Variants in CASP9 observed in about 807,000 individuals in gnomAD.
CASP9 encodes caspase 9.
In CASP9, 29 loss-of-function variants were observed where a neutral mutation model predicts 43.5. That is an observed-to-expected ratio of 0.67 (90% CI 0.50 to 0.91). The LOEUF (loss-of-function observed/expected upper bound fraction) is 0.91, where lower values mean the gene tolerates loss of function less well. CASP9 is among the 40% of genes least tolerant of loss of function. CASP9 has a pLI of 0.00. For synonymous variants in CASP9, 206 were observed against 211.9 expected (o/e 0.97, Z 0.24); for missense variants, 575 against 537.4 (o/e 1.07, Z -0.69).
rs61162934 is a variant in CASP9, at chr1:15,522,700, G to A, written c.132+1369C>T. 2.8e-3 allele frequency among the ~76,000 whole-genome samples: 420 copies of A among 152,332 alleles called. 2 individuals carry two copies. The highest frequency in any genetic ancestry group is 9.4e-3 in the African/African-American group (389 of 41,560). ...CCTGCACTCCAGGCTGGGCAAGAGT[G>A]AGACCCTGCCTCAAAATAAGTGTAA... On this transcript the variant is annotated intron_variant, in intron 1 of 8. Coordinates refer to ENST00000333868, the MANE Select transcript of CASP9 (RefSeq NM_001229.5).
chr1:15,510,263 G>C (rs1344460268), intron 2 of CASP9, among the ~76,000 whole-genome samples: 1 of 152,076 alleles, frequency 6.6e-6, no homozygotes, highest in East Asian at 1.9e-4. Flanking sequence ...GGAGAATACA[G>C]TGGCCACCTC....
In CASP9 at chr1:15,493,889, C is replaced by G. The variant is rs776755439; in HGVS notation, c.1158+3G>C. 1.3e-6 allele frequency: 2 copies of G among 1,587,450 alleles called. No homozygotes were observed. Among genetic ancestry groups the G allele is most frequent in the Non-Finnish European group, 1.7e-6 (2 of 1,165,770 alleles). On this transcript the variant is annotated splice_donor_region_variant and intron_variant, in intron 8 of 8. Coordinates refer to ENST00000333868, the MANE Select transcript of CASP9 (RefSeq NM_001229.5). ...CTCCTTTGCAGAGGAAGGCAGCACT[C>G]ACCCTAAGCAGGAGGGACTGCAGGT...
At chr1:15,507,405 A>G (rs576276957) in intron 3 of CASP9, among the ~76,000 whole-genome samples, 3 of 152,288 alleles carry the variant, frequency 2.0e-5, no homozygotes, top group Non-Finnish European at 2.9e-5. Context: ...GGAGGCACCC[A>G]AGGCTGCCCT....
chr1:15,494,467 A>C (rs765747974), intron 7 of CASP9, among the ~76,000 whole-genome samples: 2 of 151,958 alleles, frequency 1.3e-5, no homozygotes, highest in Non-Finnish European at 2.9e-5. Context: ...TAGGAGGCTA[A>C]GGCAGGAGAA....
At chr1:15,512,536 G>C (rs1215555866) in intron 2 of CASP9, among the ~76,000 whole-genome samples, 1 of 152,084 alleles carries the variant, frequency 6.6e-6, no homozygotes, top group Non-Finnish European at 1.5e-5. Flanking sequence ...TGGATCTCAG[G>C]CCTTCAGACT....
At chr1:15,507,408 G>A (rs1709568112) in intron 3 of CASP9, among the ~76,000 whole-genome samples, 2 of 152,144 alleles carry the variant, frequency 1.3e-5, no homozygotes, top group Admixed American at 1.3e-4. Flanking sequence ...GGCACCCAAG[G>A]CTGCCCTCTC....
At chr1:15,522,494 G>T (rs1217774046) in intron 1 of CASP9, among the ~76,000 whole-genome samples, 1 of 152,136 alleles carries the variant, frequency 6.6e-6, no homozygotes, top group African/African-American at 2.4e-5. Context: ...AATCACTTGA[G>T]GCCAAGAGTT....
At chr1:15,508,336 TAGTG>T (rs1286345017) in intron 2 of CASP9, among the ~76,000 whole-genome samples, 1 of 152,234 alleles carries the variant, frequency 6.6e-6, no homozygotes, top group Non-Finnish European at 1.5e-5. Flanking sequence ...TTTAGGCAGA[TAGTG>T]AGGGTAAAAC....
intron 1 of CASP9, among the ~76,000 whole-genome samples, chr1:15,521,703 C>T (rs773035902): frequency 1.1e-4 from 17 of 152,088 alleles, no homozygotes; most frequent in South Asian, 8.3e-4. Flanking sequence ...CCAATAACAG[C>T]GCAGCCAGGC....
intron 6 of CASP9, among the ~76,000 whole-genome samples, chr1:15,495,861 A>G (rs1274123869): frequency 6.6e-6 from 1 of 152,214 alleles, no homozygotes; most frequent in East Asian, 1.9e-4. Flanking sequence ...TTGTTATCTT[A>G]CGTAAAAATG....
chr1:15,494,656 G>A (rs570735515), intron 7 of CASP9, among the ~76,000 whole-genome samples: 1 of 151,718 alleles, frequency 6.6e-6, no homozygotes, highest in African/African-American at 2.4e-5. Flanking sequence ...GAGGTCAGGA[G>A]ATCGAGACCA....
chr1:15,493,505 C>T (rs762275927), intron 8 of CASP9: 2 of 1,336,694 alleles, frequency 1.5e-6, no homozygotes, highest in Non-Finnish European at 1.9e-6. Flanking sequence ...GAGGGGTTCA[C>T]AATTCTTGAG....
At chr1:15,515,956 C>A (rs2103369247) in intron 2 of CASP9, among the ~76,000 whole-genome samples, 1 of 152,184 alleles carries the variant, frequency 6.6e-6, no homozygotes, top group Admixed American at 6.5e-5. Context: ...AATCCCAGCA[C>A]TTTGGGAGGC....
In CASP9 at chr1:15,491,690, C is replaced by A; in HGVS notation, c.*1253G>T. ...GAAGGATCTCTTGAGCCCAGGAGGT[C>A]GAGACTGCAATAAGCCAAGATTGCG... On this transcript the variant is annotated 3_prime_UTR_variant, in exon 9 of 9. Transcript: ENST00000333868. The A allele has an allele frequency of 5.0e-6, 1 of 200,722 alleles. No homozygotes were observed. The highest frequency in any genetic ancestry group is 1.0e-5 in the Non-Finnish European group (1 of 96,756). The allele number at this position is 200,722 out of a possible 1,614,324, so 12.4% of individuals were successfully genotyped here.
chr1:15,497,256 A>G (rs1392540750), intron 6 of CASP9, among the ~76,000 whole-genome samples: 7 of 149,704 alleles, frequency 4.7e-5, no homozygotes, highest in African/African-American at 1.7e-4. Context: ...GGTTGCAGTG[A>G]GTCAAGATCG....
In CASP9 at chr1:15,493,132, C is replaced by T. The variant is rs139237175; in HGVS notation, c.1159-97G>A. 1.1e-4 allele frequency: 171 copies of T among 1,562,608 alleles called. 1 individual carries two copies. The East Asian group carries it at 3.0e-3, about 27-fold the overall frequency. ...GGGGGGAATGTCCACTCAACCCGCA[C>T]CTTAAAAACAGCTCAAACTGCAGCC... On this transcript the variant is annotated intron_variant, in intron 8 of 8. Coordinates refer to ENST00000333868, the MANE Select transcript of CASP9 (RefSeq NM_001229.5).
rs2308937 is a variant in CASP9 at position 15,507,196 on chromosome 1, C to T, written c.454-121G>A. 2.0e-4 allele frequency: 224 copies of T among 1,146,614 alleles called. No individual in the cohort carries two copies. The African/African-American group carries it at 3.0e-3, about 15-fold the overall frequency. The allele number at this position is 1,146,614 out of a possible 1,614,324, so 71.0% of individuals were successfully genotyped here. On this transcript the variant is annotated intron_variant, in intron 3 of 8. Coordinates refer to ENST00000333868, the MANE Select transcript of CASP9 (RefSeq NM_001229.5). ...CACAAGGAGTAGCAGGGTCTCCACC[C>T]GGCATTCCAGGGCAAAAGAGAAGCA... is the stretch of plus-strand genomic sequence containing the variant.
chr1:15,524,302 C>T, upstream of CASP9: 1 of 1,458,288 alleles, frequency 6.9e-7, no homozygotes, highest in Non-Finnish European at 9.0e-7. Context: ...GGCCTGCCCC[C>T]GCGTCACGGC....
upstream of CASP9, chr1:15,524,621 C>G (rs1344779746): frequency 3.8e-6 from 4 of 1,046,148 alleles, no homozygotes; most frequent in Admixed American, 1.2e-4. Context: ...CCGTCCCGCC[C>G]GCAGGACGCA....
Sources: allele counts gnomAD v4.1 joint callset (sites outside exome capture counted in the v4.1 genomes callset), GRCh38; gene constraint gnomAD v4.1.1; transcripts MANE v1.5; gene names NCBI Gene and HGNC (gene_info 2026-07-23, HGNC 2026-07-21).